MIB1: variants seen among roughly 807,000 people sequenced by gnomAD.
The protein encoded by MIB1 is E3 ubiquitin-protein ligase MIB1.
MIB1 carries 278 observed loss-of-function variants against 124.5 expected under a neutral mutation model. That is an observed-to-expected ratio of 2.23 (90% CI 2.02 to 2.47). MIB1 has a LOEUF of 2.47. MIB1 is among the 30% of genes most tolerant of loss of function. The pLI, the probability that MIB1 is intolerant of heterozygous loss-of-function variation, is 0.00. For missense variants in MIB1, 957 were observed against 1,254.4 expected, an observed-to-expected ratio of 0.76 and a Z score of 3.58; for synonymous variants, 446 against 429.4, an observed-to-expected ratio of 1.04 and a Z score of -0.48.
chr18:21,706,801 C>G (rs1330726211), intron 1 of MIB1, among the ~76,000 whole-genome samples: 2 of 152,202 alleles, frequency 1.3e-5, no homozygotes, highest in Non-Finnish European at 2.9e-5. Flanking sequence ...AGCCGCACCC[C>G]CCGCCCCACT....
intron 1 of MIB1, among the ~76,000 whole-genome samples, chr18:21,751,678 C>T (rs1351707226): frequency 6.6e-6 from 1 of 151,906 alleles, no homozygotes; most frequent in Non-Finnish European, 1.5e-5. Flanking sequence ...AAAATCCTTT[C>T]CCCTTCCTTT....
At chr18:21,858,485 T>A in intron 19 of MIB1, 61 bp from the exon 20 acceptor site, 1 of 795,366 alleles carries the variant, frequency 1.3e-6, no homozygotes, top group Non-Finnish European at 2.1e-6. Flanking sequence ...ATATTTTATT[T>A]TATAAATGTC....
intron 1 of MIB1, among the ~76,000 whole-genome samples, chr18:21,750,787 C>G (rs1456129770): frequency 6.6e-6 from 1 of 152,182 alleles, no homozygotes; most frequent in East Asian, 1.9e-4. Flanking sequence ...CACCTCTTAC[C>G]TTTTTCATTG....
intron 1 of MIB1, among the ~76,000 whole-genome samples, chr18:21,714,006 C>G (rs2146354176): frequency 6.6e-6 from 1 of 152,282 alleles, no homozygotes; most frequent in East Asian, 1.9e-4. Flanking sequence ...ATAATGCAGG[C>G]TTGTTTGCAG....
chr18:21,781,321 T>A (rs2041359377), intron 6 of MIB1, among the ~76,000 whole-genome samples: 1 of 143,048 alleles, frequency 7.0e-6, no homozygotes, highest in Non-Finnish European at 1.5e-5. Flanking sequence ...GGAGATATTT[T>A]TATTACTTCT....
At chr18:21,845,299 C>T (rs1330141006) in intron 15 of MIB1, among the ~76,000 whole-genome samples, 2 of 152,156 alleles carry the variant, frequency 1.3e-5, no homozygotes, top group African/African-American at 4.8e-5. Flanking sequence ...CATGAGCCAC[C>T]ACACCCAGCC....
rs1229231511 is a variant in MIB1, at chr18:21,844,213, TG to T, written c.2175del (p.Lys726ArgfsTer13). 2 of 1,613,982 alleles carry T rather than the reference TG, an allele frequency of 1.2e-6. No individual in the cohort carries two copies. The highest frequency in any genetic ancestry group is 1.3e-5 in the African/African-American group (1 of 74,918). On this transcript the variant is annotated frameshift_variant, in exon 15 of 21. Coordinates refer to ENST00000261537, the MANE Select transcript of MIB1 (RefSeq NM_020774.4). LOFTEE classifies it high-confidence loss of function. ...QLRQLQDMQDVGKVDAAWEPS... is the reference protein window; with the variant it reads ...QLRQLQDMQDXGKVDAAWEPS... ...CGTCAGCTCCAAGATATGCAAGATG[TG>T]GGGAAGGTGGATGCTGCCTGGGAGC... is the stretch of plus-strand genomic sequence containing the variant.
intron 1 of MIB1, among the ~76,000 whole-genome samples, chr18:21,728,551 C>T (rs770577575): frequency 5.3e-5 from 8 of 152,258 alleles, no homozygotes; most frequent in African/African-American, 7.2e-5. Flanking sequence ...CTGGTCCACC[C>T]GTTCTCCACA....
intron 10 of MIB1, among the ~76,000 whole-genome samples, chr18:21,811,752 GT>G (rs1455324723): frequency 1.3e-5 from 2 of 152,016 alleles, no homozygotes; most frequent in Non-Finnish European, 2.9e-5. Context: ...TTTTTAATGG[GT>G]ATAGAGTTTC....
At chr18:21,859,292 G>A (rs1232923551) in intron 20 of MIB1, among the ~76,000 whole-genome samples, 1 of 152,002 alleles carries the variant, frequency 6.6e-6, no homozygotes, top group African/African-American at 2.4e-5. Context: ...CTACTTGGAG[G>A]CTGAGGTGGG....
At chr18:21,815,011 TTATATATATATATATATATA>T (rs60363843) in intron 10 of MIB1, among the ~76,000 whole-genome samples, 837 of 52,662 alleles carry the variant, frequency 0.016, 33 homozygotes, top group Middle Eastern at 0.027. Context: ...GCTGTTGGTT[TTATATATATATATATATATA>T]TATATATATA....
Position 21,778,262 on chromosome 18 carries a change from A to G in MIB1, c.703+93A>G, listed in dbSNP as rs909409491. 7 of 894,684 alleles carry G rather than the reference A, an allele frequency of 7.8e-6. No homozygotes were observed. In the African/African-American group the frequency reaches 1.0e-4, roughly 13 times the overall value. The allele number at this position is 894,684 out of a possible 1,614,324, so 55.4% of individuals were successfully genotyped here. A position where few individuals can be genotyped will look rare whatever the true frequency, so the allele number is the denominator to read the frequency against. ...AAATTGGATGTTAGAAAAGTTAATT[A>G]CCACTAAAGTTACTTAGAGAAAAAA... On this transcript the variant is annotated intron_variant, in intron 5 of 20. Coordinates refer to ENST00000261537, the MANE Select transcript of MIB1 (RefSeq NM_020774.4).
At chr18:21,832,824 CAT>C (rs899463318) in intron 12 of MIB1, among the ~76,000 whole-genome samples, 7 of 152,250 alleles carry the variant, frequency 4.6e-5, no homozygotes, top group African/African-American at 1.4e-4. Flanking sequence ...GAGAAGATGA[CAT>C]GTCTCAGAGT....
chr18:21,845,050 G>A (rs550077034), intron 15 of MIB1, among the ~76,000 whole-genome samples: 7 of 151,028 alleles, frequency 4.6e-5, no homozygotes, highest in Admixed American at 2.6e-4. Flanking sequence ...TCGCTCTGTC[G>A]CCCAGGCTGG....
chr18:21,757,480 A>AAAAAAAAG (rs2041046960), intron 1 of MIB1, among the ~76,000 whole-genome samples: 1 of 137,370 alleles, frequency 7.3e-6, no homozygotes, highest in African/African-American at 2.7e-5. Flanking sequence ...AAAAAAAAAA[A>AAAAAAAAG]GACAGTCTTT....
At chr18:21,769,687 A>G (rs1390486434) in intron 3 of MIB1, among the ~76,000 whole-genome samples, 1 of 152,134 alleles carries the variant, frequency 6.6e-6, no homozygotes, top group Non-Finnish European at 1.5e-5. Flanking sequence ...ATTTTAATTG[A>G]CTGTGTATTT....
rs183305253 is a variant in MIB1 at position 21,835,297 on chromosome 18, G to A, written c.1830-3068G>A. Among the ~76,000 whole-genome samples the A allele has an allele frequency of 3.3e-5, 5 of 152,274 alleles. 1 individual carries two copies. Among genetic ancestry groups the A allele is most frequent in the Admixed American group, 2.0e-4 (3 of 15,290 alleles). ...GGTCAGATTTGTGTGGGGTGGTATA[G>A]AGAATAGAGTGGAAAGGAGACTGGG... On this transcript the variant is annotated intron_variant, in intron 12 of 20. Coordinates refer to ENST00000261537, the MANE Select transcript of MIB1 (RefSeq NM_020774.4).
At position 21,868,226 on chromosome 18, in the gene MIB1, A is replaced by C. The variant is rs966705666; in HGVS notation, c.*3560A>C. On this transcript the variant is annotated 3_prime_UTR_variant, in exon 21 of 21. Coordinates refer to ENST00000261537, the MANE Select transcript of MIB1 (RefSeq NM_020774.4). ...CACTGTTGTGAAGCAGATCTCCAGA[A>C]CTTTTTCATCTTGCAAAACTGAAAC... The C allele has an allele frequency of 6.6e-6, 1 of 152,030 alleles. No homozygotes were observed. The highest frequency in any genetic ancestry group is 1.5e-5 in the Non-Finnish European group (1 of 67,898). 9.4% of individuals were successfully genotyped at this position (152,030 alleles called of 1,614,324 possible). A position where few individuals can be genotyped will look rare whatever the true frequency, so the allele number is the denominator to read the frequency against.
At chr18:21,835,656 A>G (rs1005420710) in intron 12 of MIB1, among the ~76,000 whole-genome samples, 1 of 151,908 alleles carries the variant, frequency 6.6e-6, no homozygotes, top group South Asian at 2.1e-4. Flanking sequence ...CTGTAATCCC[A>G]GCTACTCGGG....
Sources: allele counts gnomAD v4.1 joint callset (sites outside exome capture counted in the v4.1 genomes callset), GRCh38; gene constraint gnomAD v4.1.1; transcripts MANE v1.5; gene names NCBI Gene and HGNC (gene_info 2026-07-23, HGNC 2026-07-21).